STK39: variants seen among roughly 807,000 people sequenced by gnomAD.
The protein encoded by STK39 is STE20/SPS1-related proline-alanine-rich protein kinase.
STK39 carries 20 observed loss-of-function variants against 77.8 expected under a neutral mutation model. The ratio of observed to expected loss-of-function variants is 0.26; its 90% CI spans 0.18 to 0.37. The LOEUF (loss-of-function observed/expected upper bound fraction) is 0.37, where lower values mean the gene tolerates loss of function less well. Ranked by LOEUF, STK39 falls within the 10% of genes least tolerant of loss-of-function variation. The pLI is 1.00. For missense variants in STK39, 479 were observed against 656.5 expected (o/e 0.73, Z 2.95); for synonymous variants, 246 against 234.1 (o/e 1.05, Z -0.47).
At chr2:168,097,075 A>G (rs1256260627) in intron 10 of STK39, among the ~76,000 whole-genome samples, 1 of 152,210 alleles carries the variant, frequency 6.6e-6, no homozygotes, top group Non-Finnish European at 1.5e-5. Context: ...AAAGTTGGCA[A>G]GTACCACCAA....
intron 14 of STK39, among the ~76,000 whole-genome samples, chr2:168,032,975 T>C (rs554597570): frequency 1.5e-4 from 23 of 152,352 alleles, no homozygotes; most frequent in African/African-American, 4.8e-4. Context: ...TTAACAGTTA[T>C]AAGCCTTTTT....
At chr2:168,218,735 A>C (rs1461928955) in intron 1 of STK39, among the ~76,000 whole-genome samples, 3 of 152,236 alleles carry the variant, frequency 2.0e-5, no homozygotes, top group Non-Finnish European at 4.4e-5. Flanking sequence ...TTAAGAAATA[A>C]AAGCAGATTC....
At chr2:168,220,435 T>TA (rs1376780815) in intron 1 of STK39, among the ~76,000 whole-genome samples, 1 of 152,158 alleles carries the variant, frequency 6.6e-6, no homozygotes, top group African/African-American at 2.4e-5. Flanking sequence ...CCCTAGCAAA[T>TA]ATTTTAAATC....
At chr2:168,044,109 C>G (rs1408321720) in intron 14 of STK39, among the ~76,000 whole-genome samples, 2 of 152,116 alleles carry the variant, frequency 1.3e-5, no homozygotes, top group African/African-American at 4.8e-5. Flanking sequence ...TTTTATATGG[C>G]TCCTTTTTTT....
intron 1 of STK39, among the ~76,000 whole-genome samples, chr2:168,200,316 T>G (rs1163870277): frequency 6.6e-6 from 1 of 152,046 alleles, no homozygotes; most frequent in Non-Finnish European, 1.5e-5. Context: ...CAAACTACTA[T>G]CTTACTTCAC....
chr2:168,209,140 CCT>C (rs762988103), intron 1 of STK39, among the ~76,000 whole-genome samples: 4 of 152,120 alleles, frequency 2.6e-5, no homozygotes, highest in African/African-American at 4.8e-5. Flanking sequence ...AGATTCTACC[CCT>C]TTCCTTTGCA....
intron 1 of STK39, among the ~76,000 whole-genome samples, chr2:168,200,891 C>A (rs917223125): frequency 6.6e-6 from 1 of 152,136 alleles, no homozygotes; most frequent in African/African-American, 2.4e-5. Context: ...AGGGGCCCAT[C>A]ATCATCAGAC....
At chr2:168,131,774 A>G (rs1232111157) in intron 8 of STK39, among the ~76,000 whole-genome samples, 2 of 152,208 alleles carry the variant, frequency 1.3e-5, no homozygotes, top group Non-Finnish European at 2.9e-5. Flanking sequence ...ACTAAACACT[A>G]CAGTATAACT....
At chr2:168,178,869 T>C (rs1394385160) in intron 2 of STK39, among the ~76,000 whole-genome samples, 1 of 152,162 alleles carries the variant, frequency 6.6e-6, no homozygotes, top group Non-Finnish European at 1.5e-5. Context: ...TCTGGACCAG[T>C]TGCCTAAAAC....
rs565320459 is a variant in STK39, at chr2:168,121,019, A to G, written c.1089+8522T>C. 1.1e-4 allele frequency among the ~76,000 whole-genome samples: 17 copies of G among 152,250 alleles called. No homozygotes were observed. The East Asian group carries it at 3.1e-3, about 28-fold the overall frequency. ...AATAGCACAGACATCCTCCTCACAC[A>G]ATTTAAATGGTGGCCGACTCACTCT... is the stretch of plus-strand genomic sequence containing the variant. On this transcript the variant is annotated intron_variant, in intron 10 of 17. Coordinates refer to ENST00000355999, the MANE Select transcript of STK39 (RefSeq NM_013233.3).
At chr2:168,219,388 A>C (rs1690107681) in intron 1 of STK39, among the ~76,000 whole-genome samples, 1 of 152,164 alleles carries the variant, frequency 6.6e-6, no homozygotes, top group Non-Finnish European at 1.5e-5. Flanking sequence ...AATACAGATA[A>C]GTCAGGCACT....
intron 1 of STK39, among the ~76,000 whole-genome samples, chr2:168,243,198 A>G (rs1051823338): frequency 6.6e-6 from 1 of 152,198 alleles, no homozygotes. Flanking sequence ...TATAAAAACC[A>G]ATTCTAACCC....
Position 168,163,815 on chromosome 2 carries a change from C to T in STK39, c.496G>A (p.Glu166Lys). The T allele has an allele frequency of 6.2e-7, 1 of 1,613,990 alleles. No homozygotes were observed. The highest frequency in any genetic ancestry group is 8.5e-7 in the Non-Finnish European group (1 of 1,179,952). The change falls in exon 4 of 18, where the codon GAG becomes AAG. Residue 166 changes from glutamate to lysine, a missense_variant. Transcript: ENST00000355999. Reference protein sequence around the residue: ...RGEHKNGVLEEAIIATILKEV... With the variant: ...RGEHKNGVLEKAIIATILKEV... ...TTAAGAATTGTTGCTATTATTGCCT[C>T]TTCCAGAACTCCATTCTTGTGTTCT...
intron 1 of STK39, among the ~76,000 whole-genome samples, chr2:168,213,334 GT>G (rs1689941150): frequency 6.6e-6 from 1 of 152,150 alleles, no homozygotes; most frequent in Admixed American, 6.5e-5. Flanking sequence ...CATGAAAATA[GT>G]CCCTGTCATG....
intron 14 of STK39, among the ~76,000 whole-genome samples, chr2:168,029,200 C>A (rs1276560775): frequency 1.3e-5 from 2 of 152,130 alleles, no homozygotes; most frequent in Non-Finnish European, 2.9e-5. Context: ...GACATTAGTA[C>A]ATACTTGAGA....
intron 3 of STK39, 44 bp from the exon 4 acceptor site, chr2:168,163,924 A>C: frequency 6.3e-7 from 1 of 1,596,072 alleles, no homozygotes; most frequent in Non-Finnish European, 8.5e-7. Context: ...CACCTTCATC[A>C]CCTTTTCAGA....
intron 14 of STK39, among the ~76,000 whole-genome samples, chr2:168,042,909 T>TCCAAAATTTGCAAC (rs1685145223): frequency 6.6e-6 from 1 of 152,082 alleles, no homozygotes; most frequent in African/African-American, 2.4e-5. Context: ...CTTTGCAGGG[T>TCCAAAATTTGCAAC]CCATAGATGG....
chr2:168,169,308 G>A (rs1236498522), intron 2 of STK39, among the ~76,000 whole-genome samples: 8 of 152,140 alleles, frequency 5.3e-5, no homozygotes, highest in Non-Finnish European at 1.2e-4. Context: ...TGCTCAGTGC[G>A]GGGATGGCCC....
chr2:168,129,889 T>C (rs1687635788), intron 8 of STK39, 131 bp from the exon 9 acceptor site: 1 of 942,368 alleles, frequency 1.1e-6, no homozygotes, highest in Admixed American at 2.1e-5. Flanking sequence ...GGGAACCAAA[T>C]TAATCATAGG....
Sources: allele counts gnomAD v4.1 joint callset (sites outside exome capture counted in the v4.1 genomes callset), GRCh38; gene constraint gnomAD v4.1.1; transcripts MANE v1.5; gene names NCBI Gene and HGNC (gene_info 2026-07-23, HGNC 2026-07-21).